The following PLCL2 variants were observed in gnomAD, a reference collection of about 807,000 sequenced individuals.
PLCL2 encodes the protein phospholipase C like 2, also known as inactive phospholipase C-like protein 2.
In PLCL2, 4 loss-of-function variants were observed where a neutral mutation model predicts 79.6. The observed-to-expected ratio is 0.05, with a 90% CI of 0.02 to 0.11. The LOEUF is 0.11. PLCL2 is among the 10% of genes least tolerant of loss of function. The pLI is 1.00. For synonymous variants in PLCL2, 484 were observed against 457.7 expected (o/e 1.06, Z -0.73); for missense variants, 895 against 1,291.0 (o/e 0.69, Z 4.70).
At chr3:16,940,565 A>C (rs1697655364) in intron 1 of PLCL2, among the ~76,000 whole-genome samples, 1 of 152,202 alleles carries the variant, frequency 6.6e-6, no homozygotes, top group Non-Finnish European at 1.5e-5. Context: ...TGACAGGCTC[A>C]ATCGTGCACC....
chr3:16,946,951 T>G (rs752318622), intron 1 of PLCL2, among the ~76,000 whole-genome samples: 1 of 122,390 alleles, frequency 8.2e-6, no homozygotes, highest in Non-Finnish European at 1.7e-5. Flanking sequence ...TAAAGTTTCA[T>G]TCTTTTTTTT....
Position 17,090,145 on chromosome 3 carries a change from A to G in PLCL2, c.*233A>G. On this transcript the variant is annotated 3_prime_UTR_variant, in exon 6 of 6. Transcript: ENST00000615277. ...GCTGGCCAAAATATGCTATATTTGTATACAAAGACATTCTAACTCAGTTCC... is the reference window on the plus strand; with the variant it reads ...GCTGGCCAAAATATGCTATATTTGTGTACAAAGACATTCTAACTCAGTTCC... The G allele has an allele frequency of 8.2e-7, 1 of 1,215,716 alleles. No homozygotes were observed. The highest frequency in any genetic ancestry group is 1.0e-6 in the Non-Finnish European group (1 of 975,616). 75.3% of individuals were successfully genotyped at this position (1,215,716 alleles called of 1,614,324 possible). A position where few individuals can be genotyped will look rare whatever the true frequency, so the allele number is the denominator to read the frequency against.
intron 4 of PLCL2, among the ~76,000 whole-genome samples, chr3:17,064,985 T>A (rs1375578495): frequency 2.7e-5 from 4 of 148,758 alleles, no homozygotes; most frequent in African/African-American, 9.9e-5. Context: ...ATGCAGCAAA[T>A]CAAATAATTA....
At chr3:17,013,004 A>G (rs1381953909) in intron 2 of PLCL2, among the ~76,000 whole-genome samples, 1 of 152,242 alleles carries the variant, frequency 6.6e-6, no homozygotes, top group African/African-American at 2.4e-5. Context: ...AGAAAATTCA[A>G]CGTTTTTTCC....
chr3:16,899,772 G>A (rs897216988), intron 1 of PLCL2, among the ~76,000 whole-genome samples: 1 of 151,920 alleles, frequency 6.6e-6, no homozygotes, highest in Non-Finnish European at 1.5e-5. Flanking sequence ...GATTATTTAT[G>A]TGAGAAAGAT....
At chr3:17,078,554 C>G (rs978624433) in intron 5 of PLCL2, among the ~76,000 whole-genome samples, 2 of 152,108 alleles carry the variant, frequency 1.3e-5, no homozygotes, top group Non-Finnish European at 2.9e-5. Context: ...GCTAGCTCTC[C>G]TGACCTGTGC....
chr3:17,042,946 G>A lies in PLCL2; in HGVS notation c.3091G>A (p.Ala1031Thr). The change falls in exon 4 of 6, where the codon GCA becomes ACA. Residue 1031 changes from alanine (A) to threonine (T), a missense_variant. By Grantham distance (58) the Ala-to-Thr change is moderately conservative (BLOSUM62 0). Around this residue, in one of 6 missense-constraint regions of PLCL2, gnomAD observed 298 missense variants for 459.6 expected, o/e 0.65. Coordinates refer to ENST00000615277, the MANE Select transcript of PLCL2 (RefSeq NM_001144382.2). ...VYEKIVHCQK[A>T]AMEFHEHLHS... is the part of the protein sequence containing the mutation. The stretch of plus-strand genomic sequence containing the variant: ...TGAAAAGATCGTACATTGTCAGAAG[G>A]CAGGTAAGTGAAAGTTTGTTTCCTC... 1 of 1,604,956 alleles carries A rather than the reference G, an allele frequency of 6.2e-7. No individual in the cohort carries two copies. The highest frequency in any genetic ancestry group is 2.2e-5 in the East Asian group (1 of 44,812).
At chr3:16,948,465 CTG>C (rs929379295) in intron 1 of PLCL2, among the ~76,000 whole-genome samples, 1 of 152,256 alleles carries the variant, frequency 6.6e-6, no homozygotes, top group East Asian at 1.9e-4. Flanking sequence ...TTGCAGAACT[CTG>C]TGAATATACT....
Position 16,887,701 on chromosome 3 carries a change from G to C in PLCL2, c.327+2335G>C, listed in dbSNP as rs1453618609. Among the ~76,000 whole-genome samples, 1 of 151,838 alleles carries C rather than the reference G, an allele frequency of 6.6e-6. No homozygotes were observed. Among genetic ancestry groups the C allele is most frequent in the African/African-American group, 2.4e-5 (1 of 41,292 alleles). On this transcript the variant is annotated intron_variant, in intron 1 of 5. Transcript: ENST00000615277. The surrounding 1 kb of genome is among the most constrained non-coding windows in gnomAD (Gnocchi z 4.1). ...CCAGCATCAGGACAATATCCTAATA[G>C]AAAACAAAGTCTTTAACATCAAATT... is the stretch of plus-strand genomic sequence containing the variant.
chr3:17,000,998 A>G (rs1006613841), intron 1 of PLCL2, among the ~76,000 whole-genome samples: 1 of 152,118 alleles, frequency 6.6e-6, no homozygotes, highest in African/African-American at 2.4e-5. Flanking sequence ...AGAAACTTTC[A>G]TACTGTTTTC....
At position 16,905,187 on chromosome 3, in the gene PLCL2, C is replaced by T. The variant is rs73146935; in HGVS notation, c.327+19821C>T. Reference sequence around the variant, plus strand: ...AGCATCAGTGGTGCTGTCCTTGCCACAGAAGGCCCCAGGGTGTGTGGGCAC... The same window carrying T: ...AGCATCAGTGGTGCTGTCCTTGCCATAGAAGGCCCCAGGGTGTGTGGGCAC... On this transcript the variant is annotated intron_variant, in intron 1 of 5. Coordinates refer to ENST00000615277, the MANE Select transcript of PLCL2 (RefSeq NM_001144382.2). Among the ~76,000 whole-genome samples the T allele has an allele frequency of 2.0e-3, 297 of 152,300 alleles. 1 individual carries two copies. The highest frequency in any genetic ancestry group is 6.9e-3 in the African/African-American group (288 of 41,556).
rs992222140 is a variant in PLCL2 at position 16,949,760 on chromosome 3, T to C, written c.328-59914T>C. Among the ~76,000 whole-genome samples, 4 of 152,264 alleles carry C rather than the reference T, an allele frequency of 2.6e-5. No individual in the cohort carries two copies. In the East Asian group the frequency reaches 7.7e-4, roughly 29 times the overall value. Reference sequence around the variant, plus strand: ...GGCACGCAAGTAATGTAGTCATTTCTGCTTATATGTTATTTTAGGCTTAGG... The same window carrying C: ...GGCACGCAAGTAATGTAGTCATTTCCGCTTATATGTTATTTTAGGCTTAGG... On this transcript the variant is annotated intron_variant, in intron 1 of 5. Coordinates refer to ENST00000615277, the MANE Select transcript of PLCL2 (RefSeq NM_001144382.2).
intron 1 of PLCL2, among the ~76,000 whole-genome samples, chr3:16,986,662 C>A (rs932605985): frequency 6.6e-6 from 1 of 152,082 alleles, no homozygotes; most frequent in Admixed American, 6.6e-5. Flanking sequence ...CTCAGCTTCC[C>A]AAAGTGCTGG....
At chr3:16,924,184 T>C (rs1377636261) in intron 1 of PLCL2, among the ~76,000 whole-genome samples, 1 of 152,254 alleles carries the variant, frequency 6.6e-6, no homozygotes, top group East Asian at 1.9e-4. Flanking sequence ...GCATACCATG[T>C]AGTTTTGTTG....
chr3:16,978,842 A>G (rs1280996482), intron 1 of PLCL2, among the ~76,000 whole-genome samples: 2 of 152,258 alleles, frequency 1.3e-5, no homozygotes, highest in African/African-American at 4.8e-5. Flanking sequence ...AGAATGAAGC[A>G]GACTTTGCCC....
At chr3:16,934,865 A>G (rs1046160379) in intron 1 of PLCL2, among the ~76,000 whole-genome samples, 1 of 152,206 alleles carries the variant, frequency 6.6e-6, no homozygotes, top group Non-Finnish European at 1.5e-5. Flanking sequence ...CTTTTAACAA[A>G]AAGATTATGT....
intron 1 of PLCL2, among the ~76,000 whole-genome samples, chr3:16,935,310 T>C (rs1697513617): frequency 6.6e-6 from 1 of 152,200 alleles, no homozygotes; most frequent in Non-Finnish European, 1.5e-5. Context: ...ACCCTTTGTC[T>C]TTTCTATTTG....
At chr3:17,016,898 T>C (rs948130961) in intron 3 of PLCL2, among the ~76,000 whole-genome samples, 17 of 152,226 alleles carry the variant, frequency 1.1e-4, no homozygotes, top group Non-Finnish European at 2.2e-4. Context: ...CAGTGACATT[T>C]CTTCATGGCG....
At chr3:16,955,405 G>T (rs1205002864) in intron 1 of PLCL2, among the ~76,000 whole-genome samples, 5 of 152,230 alleles carry the variant, frequency 3.3e-5, no homozygotes, top group Non-Finnish European at 7.4e-5. Flanking sequence ...TTTGGTACCA[G>T]TACCATGCTG....
Sources: allele counts gnomAD v4.1 joint callset (sites outside exome capture counted in the v4.1 genomes callset), GRCh38; gene constraint gnomAD v4.1.1; regional missense constraint gnomAD v4.1.1; non-coding constraint Gnocchi (gnomAD v3.1); transcripts MANE v1.5; gene names NCBI Gene and HGNC (gene_info 2026-07-23, HGNC 2026-07-21).